EFHD1: variants seen among roughly 807,000 people sequenced by gnomAD.
EFHD1 encodes EF-hand domain-containing protein D1.
A neutral mutation model predicts 17.2 loss-of-function variants in EFHD1; 10 were observed. The ratio of observed to expected loss-of-function variants is 0.58; its 90% CI spans 0.36 to 0.99. The LOEUF is 0.99. Ranked by LOEUF, EFHD1 falls within the 50% of genes least tolerant of loss-of-function variation. The probability of loss-of-function intolerance (pLI) is 0.01; values close to 1 mark genes in which losing one functional copy is unlikely to be tolerated. For missense variants in EFHD1, 310 were observed against 327.5 expected (o/e 0.95, Z 0.41); for synonymous variants, 153 against 142.0 (o/e 1.08, Z -0.55).
intron 1 of EFHD1, among the ~76,000 whole-genome samples, chr2:232,648,922 C>T (rs553689431): frequency 1.3e-5 from 2 of 152,198 alleles, no homozygotes; most frequent in African/African-American, 4.8e-5. Context: ...CAGGCAACCC[C>T]CTCCCATCAC....
chr2:232,615,270 G>A (rs1326145762), intron 1 of EFHD1, among the ~76,000 whole-genome samples: 1 of 151,732 alleles, frequency 6.6e-6, no homozygotes, highest in Non-Finnish European at 1.5e-5. Context: ...TTACTGTTGG[G>A]GGGGCATCCT....
chr2:232,638,754 T>G (rs1694367964), intron 1 of EFHD1, among the ~76,000 whole-genome samples: 1 of 152,204 alleles, frequency 6.6e-6, no homozygotes, highest in African/African-American at 2.4e-5. Flanking sequence ...GTTAAGTGCT[T>G]TCTTTTTCCT....
At chr2:232,635,515 G>T (rs560390588) in intron 1 of EFHD1, among the ~76,000 whole-genome samples, 42 of 152,286 alleles carry the variant, frequency 2.8e-4, no homozygotes, top group African/African-American at 9.9e-4. Context: ...AACAGGTACT[G>T]GACCAGGATC....
At chr2:232,631,565 C>T (rs1194154346), upstream of EFHD1, among the ~76,000 whole-genome samples, 2 of 151,668 alleles carry the variant, frequency 1.3e-5, no homozygotes, top group African/African-American at 4.8e-5. Flanking sequence ...TCTGCCTCTG[C>T]CTCCCAAAGT....
chr2:232,656,466 A>C (rs1574723481), intron 1 of EFHD1, among the ~76,000 whole-genome samples: 2 of 136,992 alleles, frequency 1.5e-5, no homozygotes, highest in Non-Finnish European at 1.6e-5. Flanking sequence ...ACAGAGTCTC[A>C]CTCTGTCACC....
chr2:232,655,986 T>C (rs13008587), intron 1 of EFHD1, among the ~76,000 whole-genome samples: 9,126 of 152,002 alleles, frequency 0.06, 294 homozygotes, highest in South Asian at 0.11. Context: ...TTTTGTATTT[T>C]TAGTAGAGAT....
At chr2:232,616,028 G>A (rs776539557) in intron 1 of EFHD1, among the ~76,000 whole-genome samples, 27 of 152,032 alleles carry the variant, frequency 1.8e-4, no homozygotes, top group Non-Finnish European at 3.5e-4. Flanking sequence ...TGTTCCAGCC[G>A]TTTGTTGTGG....
intron 1 of EFHD1, among the ~76,000 whole-genome samples, chr2:232,621,236 G>A (rs913879358): frequency 1.3e-5 from 2 of 152,096 alleles, no homozygotes; most frequent in Admixed American, 1.3e-4. Context: ...CAAAATTGGC[G>A]TAGTCTGTGC....
intron 1 of EFHD1, among the ~76,000 whole-genome samples, chr2:232,642,278 G>A (rs1392490235): frequency 6.7e-6 from 1 of 150,250 alleles, no homozygotes; most frequent in African/African-American, 2.4e-5. Context: ...AGCTACTTGG[G>A]AGGCTGAGGC....
chr2:232,652,459 T>A (rs752134179), intron 1 of EFHD1, among the ~76,000 whole-genome samples: 1 of 151,780 alleles, frequency 6.6e-6, no homozygotes, highest in Non-Finnish European at 1.5e-5. Flanking sequence ...AAACCCCGGG[T>A]TCATTCTGAT....
intron 1 of EFHD1, among the ~76,000 whole-genome samples, chr2:232,660,796 G>A (rs1450175460): frequency 1.3e-5 from 2 of 151,958 alleles, no homozygotes; most frequent in African/African-American, 4.8e-5. Context: ...TGGCCAACAT[G>A]GTGAAACCCC....
intron 2 of EFHD1, among the ~76,000 whole-genome samples, chr2:232,669,546 A>G (rs1695030418): frequency 6.6e-6 from 1 of 151,530 alleles, no homozygotes; most frequent in South Asian, 2.1e-4. Context: ...AGGCCTGTAG[A>G]AGTTGCTTAA....
At chr2:232,660,939 C>T (rs1185047470) in intron 1 of EFHD1, among the ~76,000 whole-genome samples, 1 of 152,056 alleles carries the variant, frequency 6.6e-6, no homozygotes, top group Non-Finnish European at 1.5e-5. Flanking sequence ...GATTGTGCCA[C>T]TGCACTCCAG....
intron 1 of EFHD1, among the ~76,000 whole-genome samples, chr2:232,608,670 C>G (rs1208260394): frequency 6.6e-6 from 1 of 152,124 alleles, no homozygotes; most frequent in East Asian, 1.9e-4. Context: ...GTGGCTCACG[C>G]CTGTAATGCC....
In EFHD1 at chr2:232,681,724, G is replaced by T. The variant is rs1264808595; in HGVS notation, c.*5G>T. 2 of 1,613,274 alleles carry T rather than the reference G, an allele frequency of 1.2e-6. No homozygotes were observed. Among genetic ancestry groups the T allele is most frequent in the South Asian group, 1.1e-5 (1 of 90,916 alleles). ...AAGGCCAACTTCAATACATAGTCCT[G>T]CTGACCTTGCCCTCTGCCCACAGCT... On this transcript the variant is annotated 3_prime_UTR_variant, in exon 4 of 4. Coordinates refer to ENST00000264059, the MANE Select transcript of EFHD1 (RefSeq NM_025202.4).
At chr2:232,636,187 C>T (rs1694317767) in intron 1 of EFHD1, among the ~76,000 whole-genome samples, 1 of 152,120 alleles carries the variant, frequency 6.6e-6, no homozygotes, top group Non-Finnish European at 1.5e-5. Context: ...ATGTAACACA[C>T]CAATTTGTTT....
chr2:232,652,169 A>T (rs1694667837), intron 1 of EFHD1, among the ~76,000 whole-genome samples: 1 of 152,222 alleles, frequency 6.6e-6, no homozygotes. Context: ...GCAAGGCGGC[A>T]ACATCAGCAT....
chr2:232,619,184 TAAATAAAC>T (rs879628365), intron 1 of EFHD1, among the ~76,000 whole-genome samples: 8,838 of 132,704 alleles, frequency 0.067, 305 homozygotes, highest in Non-Finnish European at 0.084. Context: ...AATAAATAAA[TAAATAAAC>T]AAACAAACAA....
At chr2:232,653,452 A>G (rs544370412) in intron 1 of EFHD1, among the ~76,000 whole-genome samples, 1 of 151,912 alleles carries the variant, frequency 6.6e-6, no homozygotes, top group Admixed American at 6.6e-5. Context: ...CACCAGGTCC[A>G]GCTAATTTTT....
Sources: allele counts gnomAD v4.1 joint callset (sites outside exome capture counted in the v4.1 genomes callset), GRCh38; gene constraint gnomAD v4.1.1; transcripts MANE v1.5; gene names NCBI Gene and HGNC (gene_info 2026-07-23, HGNC 2026-07-21).